Variants in ABLIM1 observed in about 807,000 individuals in gnomAD.
The protein encoded by ABLIM1 is actin-binding LIM protein 1.
A neutral mutation model predicts 107.0 loss-of-function variants in ABLIM1; 40 were observed. The observed-to-expected ratio is 0.37, with a 90% CI of 0.29 to 0.49. The LOEUF is 0.49. ABLIM1 is among the 20% of genes least tolerant of loss of function. ABLIM1 has a pLI of 0.97. For synonymous variants in ABLIM1, 357 were observed against 357.3 expected, an observed-to-expected ratio of 1.00 and a Z score of 0.01; for missense variants, 857 against 1,008.5, an observed-to-expected ratio of 0.85 and a Z score of 2.04.
At chr10:114,665,673 C>T (rs2079996059) in intron 1 of ABLIM1, among the ~76,000 whole-genome samples, 1 of 152,238 alleles carries the variant, frequency 6.6e-6, no homozygotes, top group Non-Finnish European at 1.5e-5. Flanking sequence ...CATGGATCCA[C>T]AAATACATTT....
chr10:114,565,052 T>C (rs2497744), intron 4 of ABLIM1, among the ~76,000 whole-genome samples: 55,698 of 152,120 alleles, frequency 0.37, 13,240 homozygotes, highest in African/African-American at 0.68. Context: ...TTTCTCAAGG[T>C]CACATATCCT....
chr10:114,754,984 C>A (rs2082597465), intron 1 of ABLIM1, among the ~76,000 whole-genome samples: 1 of 152,102 alleles, frequency 6.6e-6, no homozygotes, highest in Non-Finnish European at 1.5e-5. Flanking sequence ...GCTCATTATT[C>A]CTACAACTAT....
intron 1 of ABLIM1, among the ~76,000 whole-genome samples, chr10:114,691,563 T>A (rs1022981174): frequency 2.0e-5 from 3 of 152,216 alleles, no homozygotes; most frequent in Admixed American, 6.5e-5. Flanking sequence ...TGGTGACTCA[T>A]TTGATGCAAA....
chr10:114,443,749 G>A (rs1205067122), intron 17 of ABLIM1, among the ~76,000 whole-genome samples: 1 of 151,006 alleles, frequency 6.6e-6, no homozygotes, highest in Non-Finnish European at 1.5e-5. Flanking sequence ...TGCTTCCCTT[G>A]GAGATGAGTG....
At chr10:114,757,243 G>A (rs1346175987) in intron 1 of ABLIM1, among the ~76,000 whole-genome samples, 1 of 152,128 alleles carries the variant, frequency 6.6e-6, no homozygotes, top group African/African-American at 2.4e-5. Flanking sequence ...AGGCAGCATT[G>A]TAACAGTAAA....
intron 1 of ABLIM1, among the ~76,000 whole-genome samples, chr10:114,618,705 G>A (rs956508200): frequency 6.6e-6 from 1 of 152,236 alleles, no homozygotes; most frequent in Non-Finnish European, 1.5e-5. Context: ...TTCCAATCTC[G>A]TCTCCAATGC....
At chr10:114,471,675 T>A (rs1461438244) in intron 10 of ABLIM1, among the ~76,000 whole-genome samples, 1 of 151,730 alleles carries the variant, frequency 6.6e-6, no homozygotes, top group African/African-American at 2.4e-5. Context: ...ATATATAAAA[T>A]AAAAAATAAA....
intron 2 of ABLIM1, among the ~76,000 whole-genome samples, chr10:114,598,204 G>A (rs1282803751): frequency 6.6e-6 from 1 of 150,912 alleles, no homozygotes; most frequent in Non-Finnish European, 1.5e-5. Flanking sequence ...AACCCGGAAG[G>A]CGGAGGTTGC....
At chr10:114,640,766 A>G (rs1591701745) in intron 1 of ABLIM1, among the ~76,000 whole-genome samples, 1 of 152,184 alleles carries the variant, frequency 6.6e-6, no homozygotes, top group Non-Finnish European at 1.5e-5. Context: ...TAAAATTTTA[A>G]TTTTACTTTA....
intron 2 of ABLIM1, among the ~76,000 whole-genome samples, chr10:114,585,586 C>T (rs1005853997): frequency 2.0e-5 from 3 of 152,156 alleles, no homozygotes; most frequent in Admixed American, 6.5e-5. Context: ...TCCTGCTCTA[C>T]TTTGCCAAAT....
intron 1 of ABLIM1, among the ~76,000 whole-genome samples, chr10:114,711,865 C>G (rs1486579012): frequency 6.6e-6 from 1 of 152,148 alleles, no homozygotes; most frequent in Non-Finnish European, 1.5e-5. Flanking sequence ...AGATATCCTG[C>G]TAAGTGCCCC....
At chr10:114,684,779 A>G (rs2080890373) in exon 1 of ABLIM1, 1 of 934,774 alleles carries the variant, frequency 1.1e-6, no homozygotes, top group Non-Finnish European at 1.3e-6. Context: ...TCATTTCACA[A>G]TAACTGAAAC....
At chr10:114,630,731 G>T (rs1566139848) in intron 1 of ABLIM1, among the ~76,000 whole-genome samples, 1 of 152,148 alleles carries the variant, frequency 6.6e-6, no homozygotes, top group Non-Finnish European at 1.5e-5. Context: ...TCATTGAAAT[G>T]GTTCAAGAAC....
At chr10:114,445,701 G>T (rs1461239344) in intron 15 of ABLIM1, among the ~76,000 whole-genome samples, 1 of 152,166 alleles carries the variant, frequency 6.6e-6, no homozygotes, top group Non-Finnish European at 1.5e-5. Flanking sequence ...TAAGTTCACT[G>T]GTCAGAGATC....
intron 1 of ABLIM1, chr10:114,690,419 A>C (rs1170718718): frequency 1.2e-6 from 2 of 1,604,084 alleles, no homozygotes; most frequent in African/African-American, 1.3e-5. Context: ...TGGACTTGCC[A>C]CCAGTGCCAT....
intron 13 of ABLIM1, among the ~76,000 whole-genome samples, chr10:114,452,269 A>G (rs2062030404): frequency 6.6e-6 from 1 of 152,210 alleles, no homozygotes; most frequent in African/African-American, 2.4e-5. Context: ...AAGAGATGCT[A>G]AACACTATGT....
chr10:114,574,918 G>A (rs967888483), intron 3 of ABLIM1, among the ~76,000 whole-genome samples: 5 of 152,154 alleles, frequency 3.3e-5, no homozygotes, highest in Admixed American at 6.5e-5. Context: ...TTGTTGCAGC[G>A]TGGAAGCAGC....
intron 1 of ABLIM1, among the ~76,000 whole-genome samples, chr10:114,717,491 G>A (rs1039655096): frequency 6.6e-6 from 1 of 152,040 alleles, no homozygotes; most frequent in African/African-American, 2.4e-5. Context: ...AACATCCCTG[G>A]GCCTCTACCT....
chr10:114,714,993 CAAAG>C (rs1426360468), intron 1 of ABLIM1, among the ~76,000 whole-genome samples: 1 of 151,736 alleles, frequency 6.6e-6, no homozygotes, highest in Non-Finnish European at 1.5e-5. Flanking sequence ...TAAGCACTCT[CAAAG>C]GAAGAAGGAG....
Sources: allele counts gnomAD v4.1 joint callset (sites outside exome capture counted in the v4.1 genomes callset), GRCh38; gene constraint gnomAD v4.1.1; transcripts MANE v1.5; gene names NCBI Gene and HGNC (gene_info 2026-07-23, HGNC 2026-07-21).